Variants in DCDC2 observed in about 807,000 individuals in gnomAD.
The protein encoded by DCDC2 is doublecortin domain-containing protein 2.
In DCDC2, 40 loss-of-function variants were observed where a neutral mutation model predicts 50.2. The ratio of observed to expected loss-of-function variants is 0.80; its 90% CI spans 0.62 to 1.04. DCDC2 has a LOEUF of 1.04. Ranked by LOEUF, DCDC2 falls within the 50% of genes least tolerant of loss-of-function variation. DCDC2 has a pLI of 0.00. For missense variants in DCDC2, 570 were observed against 581.9 expected (o/e 0.98, Z 0.21); for synonymous variants, 234 against 210.6 (o/e 1.11, Z -0.96).
rs778953600 is a variant in DCDC2 at position 24,178,393 on chromosome 6, A to T, written c.1263T>A (p.Asn421Lys). 6.2e-6 allele frequency: 10 copies of T among 1,614,052 alleles called. No individual in the cohort carries two copies. The highest frequency in any genetic ancestry group is 3.3e-5 in the Admixed American group (2 of 60,008). Residue 421 changes from asparagine to lysine, a missense_variant, in exon 9 of 10, where the codon AAT (asparagine) becomes AAA (lysine). Physicochemically the swap from Asn to Lys is moderately conservative, Grantham distance 94 (BLOSUM62 0). Coordinates refer to ENST00000378454, the MANE Select transcript of DCDC2 (RefSeq NM_016356.5). ...ENGEELQQVNNELQLVLDKER... is the reference protein window; with the variant it reads ...ENGEELQQVNKELQLVLDKER... Reference sequence around the variant, plus strand: ...CCTTGTCTAGGACCAGTTGAAGCTCATTATTAACCTGCTGCAGCTCCTCAC... The same window carrying T: ...CCTTGTCTAGGACCAGTTGAAGCTCTTTATTAACCTGCTGCAGCTCCTCAC...
At chr6:24,210,164 C>T (rs1761834888) in intron 7 of DCDC2, among the ~76,000 whole-genome samples, 1 of 151,954 alleles carries the variant, frequency 6.6e-6, no homozygotes, top group Admixed American at 6.6e-5. Context: ...TGTTCAACTT[C>T]TAAATATTGG....
intron 4 of DCDC2, among the ~76,000 whole-genome samples, chr6:24,298,577 T>C (rs916292040): frequency 1.3e-5 from 2 of 152,306 alleles, no homozygotes; most frequent in Middle Eastern, 3.4e-3. Flanking sequence ...TAAAAGAGAA[T>C]AGAAACACTA....
chr6:24,175,490 C>T (rs539699134), intron 9 of DCDC2, among the ~76,000 whole-genome samples: 2 of 152,194 alleles, frequency 1.3e-5, no homozygotes, highest in Admixed American at 6.5e-5. Context: ...CCACAGCCCC[C>T]ACAAGGGCAC....
At chr6:24,334,846 C>T (rs1319470957) in intron 2 of DCDC2, among the ~76,000 whole-genome samples, 2 of 152,154 alleles carry the variant, frequency 1.3e-5, no homozygotes, top group African/African-American at 4.8e-5. Flanking sequence ...GCATTTGAAA[C>T]GGGCTTTCTG....
At chr6:24,372,830 T>C in the DCDC2 span, among the ~76,000 whole-genome samples, 3 of 151,944 alleles carry the variant, frequency 2.0e-5, no homozygotes, top group Non-Finnish European at 4.4e-5. Context: ...GACAAGTTAA[T>C]GGGTGCAGCA....
chr6:24,215,534 G>T (rs1761955109), intron 7 of DCDC2, among the ~76,000 whole-genome samples: 1 of 152,174 alleles, frequency 6.6e-6, no homozygotes, highest in Non-Finnish European at 1.5e-5. Context: ...CAGCCACCTA[G>T]GACTGATATT....
rs1213810035 is a variant in DCDC2 at position 24,341,511 on chromosome 6, C to T, written c.348+12058G>A. Among the ~76,000 whole-genome samples, 7 of 127,912 alleles carry T rather than the reference C, an allele frequency of 5.5e-5. No individual in the cohort carries two copies. The East Asian group carries it at 8.2e-4, about 15-fold the overall frequency. The allele number at this position is 127,912 out of a possible 152,430, so 83.9% of individuals were successfully genotyped here. A position where few individuals can be genotyped will look rare whatever the true frequency, so the allele number is the denominator to read the frequency against. ...CAGCCAAGTGCAAATAGAGACCTAC[C>T]TTTTTTTAAAAAAAAAAAATGCCTC... On this transcript the variant is annotated intron_variant, in intron 2 of 9. Coordinates refer to ENST00000378454, the MANE Select transcript of DCDC2 (RefSeq NM_016356.5).
intron 2 of DCDC2, among the ~76,000 whole-genome samples, chr6:24,330,936 A>G (rs376083479): frequency 6.6e-6 from 1 of 152,202 alleles, no homozygotes; most frequent in Non-Finnish European, 1.5e-5. Context: ...CAACTGGGAT[A>G]TTTACTTTAA....
the DCDC2 span, among the ~76,000 whole-genome samples, chr6:24,370,250 C>A: frequency 2.6e-5 from 4 of 152,038 alleles, no homozygotes; most frequent in Admixed American, 2.6e-4. Context: ...AAAAATAAGT[C>A]TTGGTGGGAA....
chr6:24,198,900 G>A (rs72828972), intron 8 of DCDC2, among the ~76,000 whole-genome samples: 13,105 of 152,180 alleles, frequency 0.086, 741 homozygotes, highest in East Asian at 0.17. Flanking sequence ...GGGGAGCTTC[G>A]AACTGGGTGG....
rs575381803 is a variant in DCDC2, at chr6:24,207,465, A to G, written c.923-2363T>C. 7.2e-5 allele frequency among the ~76,000 whole-genome samples: 11 copies of G among 152,370 alleles called. No homozygotes were observed. In the South Asian group the frequency reaches 1.0e-3, roughly 14 times the overall value. ...AGTACCATGCTTTAATTAATGGACA[A>G]TAATGAATAGTGCAAAATAGGAATT... is the stretch of plus-strand genomic sequence containing the variant. On this transcript the variant is annotated intron_variant, in intron 7 of 9. Coordinates refer to ENST00000378454, the MANE Select transcript of DCDC2 (RefSeq NM_016356.5).
chr6:24,297,832 T>A (rs183221361), intron 4 of DCDC2, among the ~76,000 whole-genome samples: 1 of 152,296 alleles, frequency 6.6e-6, no homozygotes, highest in East Asian at 1.9e-4. Flanking sequence ...CTTATAATCT[T>A]GGAGTAAGGA....
At chr6:24,239,790 CA>C (rs2113790456) in intron 7 of DCDC2, among the ~76,000 whole-genome samples, 1 of 152,240 alleles carries the variant, frequency 6.6e-6, no homozygotes, top group East Asian at 1.9e-4. Context: ...CTGGATAATG[CA>C]AAAAGAATTT....
Position 24,357,958 on chromosome 6 carries a change from G to C in DCDC2, c.-208C>G. On this transcript the variant is annotated 5_prime_UTR_variant, in exon 1 of 10. Coordinates refer to ENST00000378454, the MANE Select transcript of DCDC2 (RefSeq NM_016356.5). ...GGAGCTTGCAGGACTCGGAGTAGAC[G>C]CTCAAGTTTTTCACCGTGGCGTGCA... is the stretch of plus-strand genomic sequence containing the variant. 1 of 1,493,188 alleles carries C rather than the reference G, an allele frequency of 6.7e-7. No individual in the cohort carries two copies. Among genetic ancestry groups the C allele is most frequent in the Non-Finnish European group, 8.9e-7 (1 of 1,120,962 alleles). The allele number at this position is 1,493,188 out of a possible 1,614,324, so 92.5% of individuals were successfully genotyped here.
chr6:24,345,575 G>A (rs1691954480), intron 2 of DCDC2, among the ~76,000 whole-genome samples: 1 of 151,980 alleles, frequency 6.6e-6, no homozygotes, highest in Admixed American at 6.6e-5. Context: ...ATGTATTCAA[G>A]AGGATTCAGA....
At chr6:24,355,163 G>A (rs970191721) in intron 1 of DCDC2, among the ~76,000 whole-genome samples, 1 of 152,040 alleles carries the variant, frequency 6.6e-6, no homozygotes, top group African/African-American at 2.4e-5. Flanking sequence ...ACCTAACCAT[G>A]GACACTGTTA....
rs139040727 is a variant in DCDC2, at chr6:24,178,801, G to A, written c.1024-169C>T. 2.0e-3 allele frequency among the ~76,000 whole-genome samples: 307 copies of A among 152,216 alleles called. 3 individuals are homozygous for A. The highest frequency in any genetic ancestry group is 4.1e-3 in the Non-Finnish European group (276 of 68,002). On this transcript the variant is annotated intron_variant, in intron 8 of 9. Transcript: ENST00000378454. ...TACGTTTACTGAGTACCTACCACAT[G>A]CCACATGTTACAAGCATTCCCTCAT...
chr6:24,277,770 C>A (rs529442229), intron 7 of DCDC2, among the ~76,000 whole-genome samples: 3 of 151,828 alleles, frequency 2.0e-5, no homozygotes, highest in African/African-American at 7.3e-5. Flanking sequence ...ATTAATCAAG[C>A]AATATCAGTG....
intron 8 of DCDC2, among the ~76,000 whole-genome samples, chr6:24,195,472 AC>A (rs1336226038): frequency 6.6e-6 from 1 of 152,184 alleles, no homozygotes; most frequent in Non-Finnish European, 1.5e-5. Context: ...TGGGAAGTAA[AC>A]TTGCCTGACC....
Sources: allele counts gnomAD v4.1 joint callset (sites outside exome capture counted in the v4.1 genomes callset), GRCh38; gene constraint gnomAD v4.1.1; transcripts MANE v1.5; gene names NCBI Gene and HGNC (gene_info 2026-07-23, HGNC 2026-07-21).